ANKRD17: variants seen among roughly 807,000 people sequenced by gnomAD.
ANKRD17 encodes the protein ankyrin repeat domain 17.
ANKRD17 carries 19 observed loss-of-function variants against 229.7 expected under a neutral mutation model. The ratio of observed to expected loss-of-function variants is 0.08; its 90% confidence interval spans 0.06 to 0.12. ANKRD17 has a LOEUF of 0.12. Among genes scored for constraint, ANKRD17 ranks in the 10% least tolerant of loss-of-function variants. ANKRD17 has a pLI of 1.00. For synonymous variants in ANKRD17, 1,112 were observed against 1,146.1 expected (o/e 0.97, Z 0.60); for missense variants, 2,176 against 3,176.8 (o/e 0.68, Z 7.57).
intron 33 of ANKRD17, 73 bp downstream of exon 33, chr4:73,076,867 T>C (rs1721053892): frequency 1.3e-6 from 2 of 1,496,930 alleles, no homozygotes; most frequent in Admixed American, 2.1e-5. Context: ...TATCATGAGT[T>C]ACCTGAATCC....
chr4:73,078,153 C>T (rs372959946), intron 31 of ANKRD17, among the ~76,000 whole-genome samples: 30 of 152,120 alleles, frequency 2.0e-4, no homozygotes, highest in African/African-American at 7.0e-4. Context: ...CCGAGGCGGG[C>T]GGATCACAAG....
intron 1 of ANKRD17, among the ~76,000 whole-genome samples, chr4:73,210,422 G>C (rs929865801): frequency 6.6e-6 from 1 of 152,120 alleles, no homozygotes; most frequent in African/African-American, 2.4e-5. Flanking sequence ...AGTGCTGAGA[G>C]AAATTAAAGA....
Position 73,097,158 on chromosome 4 carries a change from A to G in ANKRD17, c.5136T>C (p.Arg1712=), listed in dbSNP as rs1456223987. 1.2e-6 allele frequency: 2 copies of G among 1,609,366 alleles called. No individual in the cohort carries two copies. The highest frequency in any genetic ancestry group is 8.5e-7 in the Non-Finnish European group (1 of 1,178,620). ...TCCATCCTTCTTCCCTCTTTTGCCC[A>G]CGCTTAGGACTTGCTACTGTTAACT... is the stretch of plus-strand genomic sequence containing the variant. The part of the protein sequence containing the change: ...NGKLTVASPK[R]GQKREEGWKE... Residue 1712 remains arginine, a synonymous_variant, in exon 27 of 34, where the codon CGT becomes CGC. Coordinates refer to ENST00000358602, the MANE Select transcript of ANKRD17 (RefSeq NM_032217.5).
chr4:73,192,380 T>G (rs1442885646), intron 1 of ANKRD17, among the ~76,000 whole-genome samples: 1 of 152,004 alleles, frequency 6.6e-6, no homozygotes, highest in Non-Finnish European at 1.5e-5. Flanking sequence ...AAACATGGTA[T>G]GTACCTATTT....
intron 16 of ANKRD17, among the ~76,000 whole-genome samples, chr4:73,133,690 G>A (rs1250960022): frequency 6.6e-6 from 1 of 151,906 alleles, no homozygotes; most frequent in Non-Finnish European, 1.5e-5. Context: ...CACCACGCCC[G>A]GCCATCTCGT....
At chr4:73,211,541 A>G (rs1311844320) in intron 1 of ANKRD17, among the ~76,000 whole-genome samples, 2 of 152,162 alleles carry the variant, frequency 1.3e-5, no homozygotes. Context: ...TATTGGAGCC[A>G]CTACCTTAAG....
intron 2 of ANKRD17, among the ~76,000 whole-genome samples, chr4:73,164,755 G>A (rs1455619996): frequency 6.6e-6 from 1 of 150,856 alleles, no homozygotes; most frequent in Non-Finnish European, 1.5e-5. Context: ...TTGTGCCACT[G>A]CACTCCAGGC....
At chr4:73,225,146 C>T (rs1742337164) in intron 1 of ANKRD17, among the ~76,000 whole-genome samples, 1 of 152,144 alleles carries the variant, frequency 6.6e-6, no homozygotes, top group African/African-American at 2.4e-5. Context: ...TTGTTATTTC[C>T]TGCCTCCCAG....
chr4:73,164,499 G>A (rs1269963103), intron 2 of ANKRD17, among the ~76,000 whole-genome samples: 1 of 152,128 alleles, frequency 6.6e-6, no homozygotes, highest in Non-Finnish European at 1.5e-5. Context: ...ATATTAAAGT[G>A]AAGATCGAAA....
chr4:73,201,511 T>G (rs1738677307), intron 1 of ANKRD17, among the ~76,000 whole-genome samples: 1 of 152,120 alleles, frequency 6.6e-6, no homozygotes. Flanking sequence ...AACAAATATT[T>G]TTAAATAATA....
chr4:73,232,349 A>G (rs952749346), intron 1 of ANKRD17, among the ~76,000 whole-genome samples: 2 of 152,184 alleles, frequency 1.3e-5, no homozygotes, highest in Admixed American at 1.3e-4. Flanking sequence ...TCCTTAGTCC[A>G]TCGGATAAAA....
chr4:73,251,347 T>C (rs780701287), intron 1 of ANKRD17, among the ~76,000 whole-genome samples: 2 of 152,116 alleles, frequency 1.3e-5, no homozygotes, highest in Non-Finnish European at 2.9e-5. Context: ...CAGGAATGAA[T>C]AATAATAATT....
At chr4:73,131,686 G>C (rs539549779) in intron 16 of ANKRD17, among the ~76,000 whole-genome samples, 3 of 152,262 alleles carry the variant, frequency 2.0e-5, no homozygotes, top group South Asian at 4.1e-4. Context: ...TTCAAAAGTA[G>C]GCTCCACCAC....
At chr4:73,189,281 G>A (rs1378850372) in intron 1 of ANKRD17, among the ~76,000 whole-genome samples, 1 of 152,006 alleles carries the variant, frequency 6.6e-6, no homozygotes, top group Non-Finnish European at 1.5e-5. Flanking sequence ...CTACAAGAAA[G>A]GGGATAATAG....
chr4:73,162,113 C>T (rs1023706397), intron 2 of ANKRD17, among the ~76,000 whole-genome samples: 1 of 151,210 alleles, frequency 6.6e-6, no homozygotes, highest in African/African-American at 2.4e-5. Context: ...GTGCATGCCA[C>T]GATTACAGTT....
chr4:73,152,804 C>T (rs936612587), intron 6 of ANKRD17, among the ~76,000 whole-genome samples: 1 of 152,132 alleles, frequency 6.6e-6, no homozygotes, highest in African/African-American at 2.4e-5. Flanking sequence ...GAAGATCAGC[C>T]TCTGCCTAAT....
At chr4:73,154,244 T>C (rs1007521449) in intron 5 of ANKRD17, 131 bp from the exon 6 acceptor site, 12 of 412,486 alleles carry the variant, frequency 2.9e-5, no homozygotes, top group Admixed American at 1.7e-4. Context: ...TATACATATA[T>C]GTAAATATAT....
intron 1 of ANKRD17, chr4:73,223,263 CAAAAT>C: frequency 2.5e-6 from 1 of 399,862 alleles, no homozygotes; most frequent in East Asian, 3.8e-5. Context: ...TTTTAACAGA[CAAAAT>C]AAAGTCTCTT....
chr4:73,166,543 T>A (rs1433257311), intron 2 of ANKRD17, among the ~76,000 whole-genome samples: 5 of 152,158 alleles, frequency 3.3e-5, no homozygotes, highest in Admixed American at 2.6e-4. Flanking sequence ...CTAAACCTTG[T>A]TCAATCTCAA....
Sources: allele counts gnomAD v4.1 joint callset (sites outside exome capture counted in the v4.1 genomes callset), GRCh38; gene constraint gnomAD v4.1.1; transcripts MANE v1.5; gene names NCBI Gene and HGNC (gene_info 2026-07-23, HGNC 2026-07-21).